Variants in SUN1 observed in about 807,000 individuals in gnomAD.
The protein encoded by SUN1 is Sad1 and UNC84 domain containing 1.
In SUN1, 61 loss-of-function variants were observed where a neutral mutation model predicts 103.2. The observed-to-expected ratio is 0.59, with a 90% CI of 0.48 to 0.73. The LOEUF (loss-of-function observed/expected upper bound fraction) is 0.73. SUN1 is among the 30% of genes least tolerant of loss of function. SUN1 has a pLI of 0.00. For synonymous variants in SUN1, 490 were observed against 425.7 expected (o/e 1.15, Z -1.86); for missense variants, 1,052 against 1,034.6 (o/e 1.02, Z -0.23).
chr7:833,773 A>G (rs1228533233), intron 1 of SUN1, among the ~76,000 whole-genome samples: 1 of 152,114 alleles, frequency 6.6e-6, no homozygotes, highest in Non-Finnish European at 1.5e-5. Flanking sequence ...ATAGCAACAC[A>G]CTCTGTTTTC....
chr7:834,983 G>A (rs1198178762), intron 1 of SUN1, among the ~76,000 whole-genome samples: 1 of 152,232 alleles, frequency 6.6e-6, no homozygotes. Flanking sequence ...GGCTGAGGCA[G>A]GAGAATCGCT....
At chr7:835,315 A>G (rs187484061) in intron 1 of SUN1, among the ~76,000 whole-genome samples, 81 of 152,324 alleles carry the variant, frequency 5.3e-4, no homozygotes, top group African/African-American at 1.8e-3. Flanking sequence ...GGGCCCGAAC[A>G]CTTACTCTCA....
intron 1 of SUN1, among the ~76,000 whole-genome samples, chr7:838,302 T>C (rs1256167449): frequency 6.6e-6 from 1 of 152,172 alleles, no homozygotes. Context: ...CTCAAAGCAG[T>C]TGTGAATTGT....
At chr7:824,402 T>C (rs1450068535) in intron 1 of SUN1, among the ~76,000 whole-genome samples, 1 of 152,218 alleles carries the variant, frequency 6.6e-6, no homozygotes, top group Non-Finnish European at 1.5e-5. Flanking sequence ...AGACATTTGG[T>C]TGGCGGTCCC....
intron 1 of SUN1, among the ~76,000 whole-genome samples, chr7:837,148 G>A (rs1804132104): frequency 6.6e-6 from 1 of 152,218 alleles, no homozygotes; most frequent in Non-Finnish European, 1.5e-5. Flanking sequence ...ACAGTGGGCT[G>A]GGGAACCCTC....
intron 5 of SUN1, among the ~76,000 whole-genome samples, chr7:845,439 T>C (rs976511262): frequency 3.3e-5 from 5 of 152,132 alleles, no homozygotes; most frequent in African/African-American, 1.2e-4. Flanking sequence ...CGGCCCACAC[T>C]AGTGTATCGC....
At chr7:839,743 C>T (rs752872649) in intron 2 of SUN1, among the ~76,000 whole-genome samples, 1 of 49,192 alleles carries the variant, frequency 2.0e-5, no homozygotes, top group Non-Finnish European at 4.2e-5. Context: ...AGTAGAGACG[C>T]GGTTTTCACC....
At chr7:868,346 C>A in intron 16 of SUN1, 1 of 215,184 alleles carries the variant, frequency 4.6e-6, no homozygotes, top group Non-Finnish European at 9.4e-6. Context: ...GGTGGGGGTG[C>A]GATCGCAGGC....
At position 861,401 on chromosome 7, in the gene SUN1, A is replaced by G. The variant is rs1832143124; in HGVS notation, c.1801A>G (p.Ser601Gly). 12 of 1,614,082 alleles carry G rather than the reference A, an allele frequency of 7.4e-6. No homozygotes were observed. Among genetic ancestry groups the G allele is most frequent in the Non-Finnish European group, 8.5e-6 (10 of 1,180,056 alleles). ...TEAQARAIVN[S>G]ALKLYSQDKT... ...CCAGCAAGCACGTGCCATCGTGAACAGCGCCTTGAAGCTGTATTCCCAAGA... is the reference window on the plus strand; with the variant it reads ...CCAGCAAGCACGTGCCATCGTGAACGGCGCCTTGAAGCTGTATTCCCAAGA... The change falls in exon 15 of 19, where the codon AGC (serine) becomes GGC (glycine). Residue 601 changes from serine to glycine, a missense_variant. Transcript: ENST00000401592.
At chr7:832,003 T>C (rs1399765381), upstream of SUN1, 14 of 985,868 alleles carry the variant, frequency 1.4e-5, no homozygotes, top group South Asian at 2.8e-4. Flanking sequence ...TAAGCTTTTT[T>C]GTTATTCACC....
intron 1 of SUN1, among the ~76,000 whole-genome samples, chr7:836,833 G>A (rs1384795803): frequency 3.9e-5 from 6 of 152,228 alleles, no homozygotes; most frequent in East Asian, 3.9e-4. Context: ...GGATGGGCGC[G>A]GTCAAGGAGG....
intron 1 of SUN1, among the ~76,000 whole-genome samples, chr7:818,566 A>G (rs1783030710): frequency 6.6e-6 from 1 of 152,230 alleles, no homozygotes; most frequent in African/African-American, 2.4e-5. Context: ...CAAGGAATGG[A>G]GTTGCCAGGT....
chr7:829,553 T>G (rs940441377), upstream of SUN1, among the ~76,000 whole-genome samples: 18 of 151,000 alleles, frequency 1.2e-4, no homozygotes, highest in Non-Finnish European at 2.2e-4. Context: ...AACTGGTTTT[T>G]TTTTTTGTTT....
chr7:858,804 C>G (rs189714361), intron 13 of SUN1, among the ~76,000 whole-genome samples: 236 of 152,338 alleles, frequency 1.5e-3, no homozygotes, highest in Admixed American at 5.8e-3. Context: ...GTAAGATTAT[C>G]TCTGATGTGC....
At chr7:845,165 C>T (rs1010953266) in intron 5 of SUN1, among the ~76,000 whole-genome samples, 70 of 152,198 alleles carry the variant, frequency 4.6e-4, no homozygotes, top group African/African-American at 1.5e-3. Flanking sequence ...ATGTGTGTCT[C>T]TCTGTGACTG....
intron 15 of SUN1, 58 bp from the exon 16 acceptor site, chr7:865,894 C>A: frequency 7.2e-7 from 1 of 1,397,736 alleles, no homozygotes; most frequent in Non-Finnish European, 1.0e-6. Context: ...TGGTGCAGTA[C>A]TATTGCTTCC....
rs201199820 is a variant in SUN1, at chr7:872,519, C to T, written c.2198C>T (p.Thr733Met). Residue 733 changes from threonine (T) to methionine (M), a missense_variant, in exon 18 of 19, where the codon ACG becomes ATG. Coordinates refer to ENST00000401592, the MANE Select transcript of SUN1 (RefSeq NM_001130965.3). The stretch of plus-strand genomic sequence containing the variant: ...GAAGGGCAGCTTCTGGGACAGTTCA[C>T]GTATGATCAGGATGGGGAGTCGCTC... ...QEEGQLLGQF[T>M]YDQDGESLQM... 8.4e-5 allele frequency: 135 copies of T among 1,603,546 alleles called. 1 individual carries two copies. In the East Asian group the frequency reaches 1.7e-3, roughly 21 times the overall value.
upstream of SUN1, among the ~76,000 whole-genome samples, chr7:829,626 C>T (rs1796106385): frequency 1.3e-5 from 2 of 150,700 alleles, no homozygotes; most frequent in Admixed American, 1.3e-4. Context: ...GCTATCTCGG[C>T]TCACTGCAAG....
At chr7:840,639 CTTTTTTTTTTT>C in intron 2 of SUN1, among the ~76,000 whole-genome samples, 1 of 127,784 alleles carries the variant, frequency 7.8e-6, no homozygotes, top group South Asian at 2.5e-4. Context: ...ACCATCTATT[CTTTTTTTTTTT>C]TTTTTTTTTG....
Sources: gnomAD v4.1 joint callset for allele counts (sites outside exome capture counted in the v4.1 genomes callset) on GRCh38, gnomAD v4.1.1 for gene constraint, MANE v1.5 for transcripts, NCBI Gene and HGNC (gene_info 2026-07-23, HGNC 2026-07-21) for gene names.